Variants in AUTS2 observed in about 807,000 individuals in gnomAD.
AUTS2 encodes activator of transcription and developmental regulator AUTS2, also known as autism susceptibility gene 2 protein.
In AUTS2, 17 loss-of-function variants were observed where a neutral mutation model predicts 112.4. The ratio of observed to expected loss-of-function variants is 0.15; its 90% CI spans 0.10 to 0.23. The LOEUF is 0.23. AUTS2 is among the 10% of genes least tolerant of loss of function. The pLI is 1.00. For synonymous variants in AUTS2, 751 were observed against 702.7 expected (o/e 1.07, Z -1.09); for missense variants, 1,510 against 1,701.6 (o/e 0.89, Z 1.98).
chr7:70,083,917 A>T (rs1803450383), intron 2 of AUTS2, among the ~76,000 whole-genome samples: 1 of 152,154 alleles, frequency 6.6e-6, no homozygotes, highest in South Asian at 2.1e-4. Flanking sequence ...ACTGTATTTT[A>T]GCTTGGGTGA....
intron 5 of AUTS2, among the ~76,000 whole-genome samples, chr7:70,522,813 G>A (rs946695425): frequency 1.3e-5 from 2 of 152,136 alleles, no homozygotes; most frequent in African/African-American, 4.8e-5. Context: ...TCCTTTGAGC[G>A]TATGCCCAGT....
intron 1 of AUTS2, among the ~76,000 whole-genome samples, chr7:69,634,577 G>T (rs1794431074): frequency 1.3e-5 from 2 of 152,140 alleles, no homozygotes; most frequent in Non-Finnish European, 2.9e-5. Context: ...TAGACTTGTA[G>T]CCTTGAAGGA....
chr7:69,991,063 T>C (rs1287047323), intron 2 of AUTS2, among the ~76,000 whole-genome samples: 1 of 152,160 alleles, frequency 6.6e-6, no homozygotes, highest in Non-Finnish European at 1.5e-5. Context: ...TTGTATTTAA[T>C]TCACCTGACA....
chr7:69,735,051 C>T (rs900110154), intron 1 of AUTS2, among the ~76,000 whole-genome samples: 1 of 152,170 alleles, frequency 6.6e-6, no homozygotes. Context: ...TTGCATCCTC[C>T]AGAAGCTCCA....
intron 5 of AUTS2, among the ~76,000 whole-genome samples, chr7:70,554,144 A>T (rs560919362): frequency 5.6e-5 from 8 of 142,890 alleles, no homozygotes; most frequent in African/African-American, 2.1e-4. Flanking sequence ...TCTCCACTCA[A>T]TGCAACCTCC....
At chr7:69,828,694 A>T (rs1791365105) in intron 1 of AUTS2, among the ~76,000 whole-genome samples, 1 of 152,220 alleles carries the variant, frequency 6.6e-6, no homozygotes, top group Non-Finnish European at 1.5e-5. Context: ...TAACATAGAC[A>T]TTAACATAAA....
At chr7:70,602,455 A>T (rs773054257) in intron 5 of AUTS2, among the ~76,000 whole-genome samples, 1 of 152,194 alleles carries the variant, frequency 6.6e-6, no homozygotes, top group Non-Finnish European at 1.5e-5. Flanking sequence ...TTCTTAGTCT[A>T]TAAGTGGATC....
At chr7:69,886,920 A>G (rs888893134) in intron 1 of AUTS2, among the ~76,000 whole-genome samples, 6 of 152,026 alleles carry the variant, frequency 3.9e-5, no homozygotes, top group African/African-American at 1.4e-4. Context: ...GACTACAGGC[A>G]TACGCCACCA....
rs1220988790 is a variant in AUTS2, at chr7:69,907,150, A to G, written c.522+7652A>G. On this transcript the variant is annotated intron_variant, in intron 2 of 18. Transcript: ENST00000342771. ...AAAACACCTATTTGTCTGGAAACCA[A>G]CCTAGGGGAATGCTTGGCAATCCCA... Among the ~76,000 whole-genome samples, 3 of 152,194 alleles carry G rather than the reference A, an allele frequency of 2.0e-5. No homozygotes were observed. In the East Asian group the frequency reaches 5.8e-4, roughly 29 times the overall value.
At chr7:69,820,503 T>A (rs928229711) in intron 1 of AUTS2, among the ~76,000 whole-genome samples, 6 of 152,362 alleles carry the variant, frequency 3.9e-5, no homozygotes, top group Middle Eastern at 3.4e-3. Flanking sequence ...GTTTGACAAC[T>A]CCTGCTTTAG....
chr7:69,838,065 T>C (rs1465803366), intron 1 of AUTS2, among the ~76,000 whole-genome samples: 3 of 152,242 alleles, frequency 2.0e-5, no homozygotes, highest in Admixed American at 1.3e-4. Context: ...GCTGGTCTAG[T>C]TGGGATTGTA....
At chr7:70,190,317 G>T (rs980529951) in intron 4 of AUTS2, among the ~76,000 whole-genome samples, 3 of 152,132 alleles carry the variant, frequency 2.0e-5, no homozygotes, top group African/African-American at 7.2e-5. Context: ...AAGAAATAGT[G>T]TATATTAAGG....
intron 4 of AUTS2, among the ~76,000 whole-genome samples, chr7:70,191,195 G>A (rs1391276393): frequency 8.5e-6 from 1 of 118,150 alleles, no homozygotes; most frequent in Non-Finnish European, 1.6e-5. Context: ...TTGAGACAGA[G>A]TCTCCTCTGT....
intron 6 of AUTS2, among the ~76,000 whole-genome samples, chr7:70,738,112 C>A (rs1036638478): frequency 6.6e-6 from 1 of 152,152 alleles, no homozygotes; most frequent in African/African-American, 2.4e-5. Flanking sequence ...AGTTAGGAGG[C>A]TTTGATACTT....
At position 69,681,001 on chromosome 7, in the gene AUTS2, T is replaced by C. The variant is rs369200687; in HGVS notation, c.309+81039T>C. ...GAGTATTTTAGATACCTCATCTAAA[T>C]GGAATTACATAGTATTTGTCTTTTT... On this transcript the variant is annotated intron_variant, in intron 1 of 18. Coordinates refer to ENST00000342771, the MANE Select transcript of AUTS2 (RefSeq NM_015570.4). Among the ~76,000 whole-genome samples, 24 of 152,356 alleles carry C rather than the reference T, an allele frequency of 1.6e-4. No homozygotes were observed. The East Asian group carries it at 4.1e-3, about 26-fold the overall frequency.
chr7:69,825,253 A>G (rs1433774609), intron 1 of AUTS2, among the ~76,000 whole-genome samples: 1 of 152,152 alleles, frequency 6.6e-6, no homozygotes, highest in African/African-American at 2.4e-5. Context: ...ACTTAAAACA[A>G]TGGTTCTCAA....
At chr7:70,069,113 G>A (rs777929070) in intron 2 of AUTS2, among the ~76,000 whole-genome samples, 3 of 152,158 alleles carry the variant, frequency 2.0e-5, no homozygotes, top group Non-Finnish European at 2.9e-5. Flanking sequence ...AGTGATTAGT[G>A]GGGATTGGCA....
intron 5 of AUTS2, among the ~76,000 whole-genome samples, chr7:70,465,993 T>C (rs2115728574): frequency 6.6e-6 from 1 of 152,268 alleles, no homozygotes; most frequent in South Asian, 2.1e-4. Flanking sequence ...GGATAGGCAG[T>C]GTACATGGTG....
intron 1 of AUTS2, among the ~76,000 whole-genome samples, chr7:69,850,336 T>G: frequency 7.4e-6 from 1 of 134,778 alleles, no homozygotes; most frequent in Non-Finnish European, 1.5e-5. Context: ...AACCCGGAGG[T>G]TGCAGTGAGC....
Sources: allele counts gnomAD v4.1 joint callset (sites outside exome capture counted in the v4.1 genomes callset), GRCh38; gene constraint gnomAD v4.1.1; transcripts MANE v1.5; gene names NCBI Gene and HGNC (gene_info 2026-07-23, HGNC 2026-07-21).